Variants in BAZ2B observed in about 807,000 individuals in gnomAD.
BAZ2B encodes the protein bromodomain adjacent to zinc finger domain 2B.
BAZ2B carries 91 observed loss-of-function variants against 246.0 expected under a neutral mutation model. The observed-to-expected ratio is 0.37, with a 90% CI of 0.31 to 0.44. The LOEUF is 0.44. Among genes scored for constraint, BAZ2B ranks in the 20% least tolerant of loss-of-function variants. BAZ2B has a pLI of 1.00. For synonymous variants in BAZ2B, 855 were observed against 860.0 expected (o/e 0.99, Z 0.10); for missense variants, 2,332 against 2,533.7 (o/e 0.92, Z 1.71).
At chr2:159,679,265 T>C in the BAZ2B span, among the ~76,000 whole-genome samples, 124,068 of 132,982 alleles carry the variant, frequency 0.93, 57,985 homozygotes, top group Middle Eastern at 0.97. Flanking sequence ...GAGTGAGACT[T>C]CATCTCAAAA....
chr2:159,698,417 T>C, the BAZ2B span, among the ~76,000 whole-genome samples: 3 of 150,634 alleles, frequency 2.0e-5, no homozygotes, highest in Non-Finnish European at 4.4e-5. Context: ...GCTACTCAGA[T>C]GACTTGAGCC....
the BAZ2B span, among the ~76,000 whole-genome samples, chr2:159,637,098 G>T: frequency 6.6e-6 from 1 of 152,300 alleles, no homozygotes; most frequent in East Asian, 1.9e-4. Flanking sequence ...CTTCAGGTGG[G>T]ACCCAGCACA....
At chr2:159,423,401 T>A (rs2069148580) in intron 13 of BAZ2B, among the ~76,000 whole-genome samples, 1 of 152,128 alleles carries the variant, frequency 6.6e-6, no homozygotes, top group Non-Finnish European at 1.5e-5. Context: ...AAGGGAACAC[T>A]TTATACACTG....
intron 27 of BAZ2B, among the ~76,000 whole-genome samples, chr2:159,371,742 T>C (rs1288619510): frequency 2.6e-5 from 4 of 152,200 alleles, no homozygotes; most frequent in African/African-American, 9.7e-5. Context: ...GAGCTCACAG[T>C]CTAGTGGCAG....
At chr2:159,604,951 T>TGTGC (rs137899225) in intron 1 of BAZ2B, among the ~76,000 whole-genome samples, 249 of 144,348 alleles carry the variant, frequency 1.7e-3, no homozygotes, top group Non-Finnish European at 2.6e-3. Context: ...TGTGTGTGTG[T>TGTGC]GCGCGTGTGT....
chr2:159,610,239 C>CAGATTGT (rs1365440677), intron 1 of BAZ2B, among the ~76,000 whole-genome samples: 6 of 152,128 alleles, frequency 3.9e-5, no homozygotes, highest in African/African-American at 7.2e-5. Flanking sequence ...TCAGACCTGA[C>CAGATTGT]CTACTAGAAG....
chr2:159,484,509 A>C (rs576759533), intron 2 of BAZ2B, among the ~76,000 whole-genome samples: 1 of 152,222 alleles, frequency 6.6e-6, no homozygotes, highest in Admixed American at 6.5e-5. Flanking sequence ...ACATTTATCT[A>C]TAACAATTCT....
chr2:159,609,313 T>C (rs1405624728), intron 1 of BAZ2B, among the ~76,000 whole-genome samples: 1 of 152,208 alleles, frequency 6.6e-6, no homozygotes, highest in East Asian at 1.9e-4. Context: ...AGAGTAACTC[T>C]ATAGTTTTAG....
chr2:159,563,382 G>A (rs1362618562), intron 1 of BAZ2B, among the ~76,000 whole-genome samples: 2 of 152,044 alleles, frequency 1.3e-5, no homozygotes, highest in African/African-American at 4.8e-5. Context: ...GACTTCACAA[G>A]GGATATTGTG....
At chr2:159,529,664 T>TGCCATCTAATATACTACATACAACTTATG (rs2085158357) in intron 2 of BAZ2B, among the ~76,000 whole-genome samples, 2 of 152,230 alleles carry the variant, frequency 1.3e-5, no homozygotes, top group African/African-American at 2.4e-5. Context: ...AAGTGTTAGT[T>TGCCATCTAATATACTACATACAACTTATG]GCCATCTAAT....
Position 159,495,548 on chromosome 2 carries a change from A to C in BAZ2B, c.-2-16827T>G, listed in dbSNP as rs1285319553. ...ATGAAAAAAGAAAATGCTTCTGAAAATAGATTGCCATCTTAGAATCCAATA... is the reference window on the plus strand; with the variant it reads ...ATGAAAAAAGAAAATGCTTCTGAAACTAGATTGCCATCTTAGAATCCAATA... On this transcript the variant is annotated intron_variant, in intron 2 of 36. Transcript: ENST00000392783. Among the ~76,000 whole-genome samples the C allele has an allele frequency of 3.3e-5, 5 of 150,880 alleles. No individual in the cohort carries two copies. The East Asian group carries it at 9.7e-4, about 29-fold the overall frequency.
chr2:159,358,191 C>T (rs2059318116), intron 27 of BAZ2B, among the ~76,000 whole-genome samples: 1 of 152,072 alleles, frequency 6.6e-6, no homozygotes, highest in South Asian at 2.1e-4. Flanking sequence ...GAGTCAAGAC[C>T]CTTTGGTGTG....
intron 1 of BAZ2B, among the ~76,000 whole-genome samples, chr2:159,573,656 G>T (rs185034759): frequency 1.3e-5 from 2 of 152,264 alleles, no homozygotes; most frequent in African/African-American, 4.8e-5. Flanking sequence ...AGGAAAAATA[G>T]ATAACGTGGA....
chr2:159,336,493 T>TA (rs1488250883), intron 33 of BAZ2B, among the ~76,000 whole-genome samples: 1 of 152,222 alleles, frequency 6.6e-6, no homozygotes, highest in Non-Finnish European at 1.5e-5. Flanking sequence ...TATAAGCACA[T>TA]AAACTAAGAG....
intron 4 of BAZ2B, among the ~76,000 whole-genome samples, chr2:159,449,673 C>T (rs1180535481): frequency 1.2e-4 from 18 of 152,112 alleles, no homozygotes; most frequent in Admixed American, 1.2e-3. Context: ...TAAAATGACA[C>T]CAATGTATAT....
At chr2:159,705,797 G>A in the BAZ2B span, among the ~76,000 whole-genome samples, 131,299 of 152,028 alleles carry the variant, frequency 0.86, 56,918 homozygotes, top group Middle Eastern at 0.95. Flanking sequence ...CCTAGAACTT[G>A]TTAAAGAAAT....
intron 2 of BAZ2B, among the ~76,000 whole-genome samples, chr2:159,498,585 T>C (rs1026484525): frequency 5.3e-5 from 8 of 152,192 alleles, no homozygotes; most frequent in Non-Finnish European, 8.8e-5. Context: ...ATAACCTTCA[T>C]TATACACAAA....
chr2:159,330,823 C>T (rs2064619078), intron 34 of BAZ2B, among the ~76,000 whole-genome samples: 1 of 152,092 alleles, frequency 6.6e-6, no homozygotes, highest in Non-Finnish European at 1.5e-5. Context: ...AGTGTCACTG[C>T]ATTCCAGCCA....
the BAZ2B span, among the ~76,000 whole-genome samples, chr2:159,703,908 A>G: frequency 2.0e-5 from 3 of 152,298 alleles, no homozygotes; most frequent in Non-Finnish European, 4.4e-5. Flanking sequence ...CTCAGCTTCA[A>G]AGATAACAAT....
Sources: allele counts gnomAD v4.1 joint callset (sites outside exome capture counted in the v4.1 genomes callset), GRCh38; gene constraint gnomAD v4.1.1; transcripts MANE v1.5; gene names NCBI Gene and HGNC (gene_info 2026-07-23, HGNC 2026-07-21).